The following SFMBT2 variants were observed in gnomAD, a reference collection of about 807,000 sequenced individuals.
The protein encoded by SFMBT2 is Scm like with four mbt domains 2, also known as scm-like with four MBT domains protein 2.
Under a neutral mutation model 110.1 loss-of-function variants are expected in SFMBT2, and 38 were observed. That is an observed-to-expected ratio of 0.35 (90% CI 0.27 to 0.45). SFMBT2 has a LOEUF of 0.45. SFMBT2 is among the 20% of genes least tolerant of loss of function. The pLI is 1.00. For synonymous variants in SFMBT2, 425 were observed against 425.4 expected (o/e 1.00, Z 0.01); for missense variants, 1,011 against 1,094.9 (o/e 0.92, Z 1.08).
At chr10:7,284,471 T>A in intron 5 of SFMBT2, 1 of 1,054,774 alleles carries the variant, frequency 9.5e-7, no homozygotes, top group Non-Finnish European at 1.1e-6. Context: ...AGTATGCTTT[T>A]AAGAAGAGTT....
intron 16 of SFMBT2, among the ~76,000 whole-genome samples, chr10:7,178,727 A>C (rs985541674): frequency 4.6e-5 from 7 of 152,226 alleles, no homozygotes; most frequent in Non-Finnish European, 8.8e-5. Flanking sequence ...CCAGAGCTAC[A>C]AAAAGCAGAT....
chr10:7,357,226 G>T (rs998011938), intron 4 of SFMBT2, among the ~76,000 whole-genome samples: 3 of 152,100 alleles, frequency 2.0e-5, no homozygotes, highest in Admixed American at 2.0e-4. Flanking sequence ...GCCTGGCAGG[G>T]TTAATTTTAT....
At chr10:7,311,767 A>T (rs1223827782) in intron 4 of SFMBT2, among the ~76,000 whole-genome samples, 1 of 152,246 alleles carries the variant, frequency 6.6e-6, no homozygotes, top group Admixed American at 6.5e-5. Context: ...CTGTAAATAC[A>T]CTTGTCACAG....
chr10:7,292,528 T>C (rs1035542217), intron 4 of SFMBT2, among the ~76,000 whole-genome samples: 2 of 152,210 alleles, frequency 1.3e-5, no homozygotes, highest in Admixed American at 6.5e-5. Context: ...TCTTTAATAA[T>C]GAATGTAACC....
intron 11 of SFMBT2, chr10:7,207,574 T>C (rs1187854836): frequency 3.1e-6 from 3 of 970,780 alleles, no homozygotes; most frequent in Middle Eastern, 5.3e-4. Flanking sequence ...GAAAAGAAAA[T>C]AACCTGGTGA....
intron 1 of SFMBT2, among the ~76,000 whole-genome samples, chr10:7,393,034 TA>T (rs1280511048): frequency 2.4e-5 from 1 of 42,260 alleles, no homozygotes; most frequent in Non-Finnish European, 4.0e-5. Flanking sequence ...TATATATATA[TA>T]ATTTTTTTTT....
At chr10:7,266,457 G>T (rs1415060113) in intron 7 of SFMBT2, among the ~76,000 whole-genome samples, 1 of 152,208 alleles carries the variant, frequency 6.6e-6, no homozygotes, top group Non-Finnish European at 1.5e-5. Flanking sequence ...GAATCTGGGG[G>T]TGACCTTCCA....
At chr10:7,220,288 A>T in intron 11 of SFMBT2, 123 bp downstream of exon 11, 1 of 707,734 alleles carries the variant, frequency 1.4e-6, no homozygotes, top group Middle Eastern at 4.2e-4. Context: ...GGAATAATTT[A>T]AGATCTGTTT....
chr10:7,193,170 G>T (rs1330936010), intron 15 of SFMBT2, among the ~76,000 whole-genome samples: 1 of 152,032 alleles, frequency 6.6e-6, no homozygotes, highest in South Asian at 2.1e-4. Flanking sequence ...CCTGAACCTG[G>T]ACTGCCAAAA....
At chr10:7,221,201 A>G (rs1258844984) in intron 10 of SFMBT2, among the ~76,000 whole-genome samples, 1 of 152,134 alleles carries the variant, frequency 6.6e-6, no homozygotes, top group African/African-American at 2.4e-5. Flanking sequence ...TAACAGTTCA[A>G]GTGGGAACAC....
chr10:7,285,794 G>A (rs1842068149), intron 5 of SFMBT2, 72 bp downstream of exon 5: 2 of 802,124 alleles, frequency 2.5e-6, no homozygotes, highest in Non-Finnish European at 4.6e-6. Context: ...ATATGCAAAG[G>A]TGCTGTCAGG....
intron 4 of SFMBT2, among the ~76,000 whole-genome samples, chr10:7,360,985 A>G (rs1844696201): frequency 6.6e-6 from 1 of 152,226 alleles, no homozygotes. Flanking sequence ...GAATATTTAA[A>G]CATTTTTTAA....
intron 1 of SFMBT2, among the ~76,000 whole-genome samples, chr10:7,395,306 G>C (rs761998787): frequency 1.3e-5 from 2 of 152,192 alleles, no homozygotes; most frequent in Non-Finnish European, 2.9e-5. Context: ...TTCTACGTTG[G>C]AAAAACGTCC....
rs571725256 is a variant in SFMBT2, at chr10:7,284,097, T to C, written c.579A>G (p.Glu193=). ...IDLITVGSLI[E]LQDSQNPFQY... ...GAAAAGGGTTCTGGGAATCCTGAAG[T>C]TCTATTAAGGAACCAACTGTAATGA... Residue 193 remains glutamate (E), a synonymous_variant, in exon 6 of 21, where the codon GAA becomes GAG. Coordinates refer to ENST00000397167, the MANE Select transcript of SFMBT2 (RefSeq NM_001387889.1). The C allele has an allele frequency of 1.9e-6, 3 of 1,614,178 alleles. No homozygotes were observed. Among genetic ancestry groups the C allele is most frequent in the African/African-American group, 1.3e-5 (1 of 75,040 alleles).
chr10:7,212,644 G>A (rs938517602), intron 11 of SFMBT2, among the ~76,000 whole-genome samples: 1 of 152,182 alleles, frequency 6.6e-6, no homozygotes, highest in East Asian at 1.9e-4. Flanking sequence ...TCATCCACTT[G>A]CCACCATCCT....
intron 16 of SFMBT2, among the ~76,000 whole-genome samples, chr10:7,183,095 T>C (rs1190437973): frequency 6.6e-6 from 1 of 152,084 alleles, no homozygotes; most frequent in East Asian, 1.9e-4. Flanking sequence ...GAAAACTCTC[T>C]GGCAATATAA....
At chr10:7,313,316 T>C (rs1476576089) in intron 4 of SFMBT2, among the ~76,000 whole-genome samples, 3 of 152,122 alleles carry the variant, frequency 2.0e-5, no homozygotes, top group East Asian at 1.9e-4. Context: ...ATATTCAACA[T>C]TGACTAAAAA....
intron 9 of SFMBT2, among the ~76,000 whole-genome samples, chr10:7,240,194 C>G (rs1175194755): frequency 6.6e-6 from 1 of 152,160 alleles, no homozygotes; most frequent in Non-Finnish European, 1.5e-5. Flanking sequence ...AATAATTATT[C>G]TCATTATTTT....
chr10:7,167,261 T>A (rs929721802), intron 20 of SFMBT2, among the ~76,000 whole-genome samples: 1 of 152,204 alleles, frequency 6.6e-6, no homozygotes, highest in South Asian at 2.1e-4. Context: ...GAAAGCTGAA[T>A]ACATAGGTAA....
Sources: allele counts gnomAD v4.1 joint callset (sites outside exome capture counted in the v4.1 genomes callset), GRCh38; gene constraint gnomAD v4.1.1; transcripts MANE v1.5; gene names NCBI Gene and HGNC (gene_info 2026-07-23, HGNC 2026-07-21).